CTNNA3: variants seen among roughly 807,000 people sequenced by gnomAD.
CTNNA3 encodes the protein catenin alpha 3.
A neutral mutation model predicts 95.7 loss-of-function variants in CTNNA3; 76 were observed. That is an observed-to-expected ratio of 0.79 (90% CI 0.66 to 0.96). The LOEUF (loss-of-function observed/expected upper bound fraction) is 0.96, where lower values mean the gene tolerates loss of function less well. Ranked by LOEUF, CTNNA3 falls within the 40% of genes least tolerant of loss-of-function variation. CTNNA3 has a pLI of 0.00. For missense variants in CTNNA3, 1,191 were observed against 1,089.8 expected (o/e 1.09, Z -1.31); for synonymous variants, 431 against 374.4 (o/e 1.15, Z -1.74).
chr10:67,264,293 A>T (rs1866731478), intron 5 of CTNNA3, among the ~76,000 whole-genome samples: 1 of 152,038 alleles, frequency 6.6e-6, no homozygotes, highest in Admixed American at 6.6e-5. Context: ...CCAGACTCCT[A>T]AGTCATTGTT....
chr10:66,228,783 A>G (rs1277428884), intron 13 of CTNNA3, among the ~76,000 whole-genome samples: 1 of 152,036 alleles, frequency 6.6e-6, no homozygotes, highest in Non-Finnish European at 1.5e-5. Context: ...TATTTCTTCT[A>G]TTCGTTCTAA....
intron 12 of CTNNA3, among the ~76,000 whole-genome samples, chr10:66,367,691 T>TA (rs2092719846): frequency 6.7e-6 from 1 of 149,158 alleles, no homozygotes; most frequent in Admixed American, 6.7e-5. Flanking sequence ...GAAGCCGAAT[T>TA]TTAAAATTTT....
intron 13 of CTNNA3, among the ~76,000 whole-genome samples, chr10:66,159,158 C>T (rs2084705761): frequency 6.6e-6 from 1 of 151,950 alleles, no homozygotes; most frequent in Non-Finnish European, 1.5e-5. Flanking sequence ...ATTTCTTTCT[C>T]TTGTCTGATT....
chr10:66,211,891 A>G (rs183302968), intron 13 of CTNNA3, among the ~76,000 whole-genome samples: 2 of 150,010 alleles, frequency 1.3e-5, no homozygotes, highest in African/African-American at 2.5e-5. Flanking sequence ...GGATGTGATT[A>G]TGTGGTTCAA....
chr10:65,935,191 G>A (rs10996781), intron 17 of CTNNA3, among the ~76,000 whole-genome samples: 15 of 152,064 alleles, frequency 9.9e-5, no homozygotes, highest in African/African-American at 1.4e-4. Flanking sequence ...ATATTTCAAC[G>A]TATCTTCAAT....
intron 1 of CTNNA3, among the ~76,000 whole-genome samples, chr10:67,713,869 G>C (rs896638295): frequency 6.6e-6 from 1 of 152,038 alleles, no homozygotes. Flanking sequence ...GGGTTGATAG[G>C]TGTAGCAAAC....
intron 7 of CTNNA3, among the ~76,000 whole-genome samples, chr10:66,969,059 A>G (rs1226131831): frequency 6.6e-6 from 1 of 151,990 alleles, no homozygotes; most frequent in Non-Finnish European, 1.5e-5. Context: ...GTAAATATAT[A>G]TATTTACTTT....
chr10:66,668,439 T>TGTGTGA (rs1846537545), intron 9 of CTNNA3, among the ~76,000 whole-genome samples: 1 of 151,908 alleles, frequency 6.6e-6, no homozygotes, highest in African/African-American at 2.4e-5. Context: ...TGTGTGTGTG[T>TGTGTGA]GTGTGTGTGT....
chr10:66,771,105 A>G (rs1840069661), intron 8 of CTNNA3, among the ~76,000 whole-genome samples: 1 of 152,118 alleles, frequency 6.6e-6, no homozygotes, highest in South Asian at 2.1e-4. Context: ...TGCAACATGG[A>G]AGAGAGATGG....
intron 7 of CTNNA3, among the ~76,000 whole-genome samples, chr10:67,128,129 A>G (rs935361195): frequency 6.6e-6 from 1 of 152,072 alleles, no homozygotes; most frequent in African/African-American, 2.4e-5. Flanking sequence ...TAACCTTGTG[A>G]TGGTTAATTT....
At chr10:65,928,178 A>G (rs756082716) in intron 17 of CTNNA3, among the ~76,000 whole-genome samples, 5 of 152,184 alleles carry the variant, frequency 3.3e-5, no homozygotes, top group Admixed American at 6.5e-5. Context: ...TAATTTTTGT[A>G]TATGGAGTAA....
At chr10:66,592,587 C>A (rs1204864081) in intron 10 of CTNNA3, among the ~76,000 whole-genome samples, 1 of 152,086 alleles carries the variant, frequency 6.6e-6, no homozygotes, top group Non-Finnish European at 1.5e-5. Flanking sequence ...ATTAAATAAA[C>A]ATAGGCCAGT....
intron 10 of CTNNA3, among the ~76,000 whole-genome samples, chr10:66,560,189 C>G (rs1842509932): frequency 6.6e-6 from 1 of 152,014 alleles, no homozygotes; most frequent in African/African-American, 2.4e-5. Flanking sequence ...TCCTTGTGTT[C>G]CATCTTCTAA....
intron 7 of CTNNA3, among the ~76,000 whole-genome samples, chr10:66,982,494 T>C (rs1412263436): frequency 1.3e-5 from 2 of 152,202 alleles, no homozygotes; most frequent in Non-Finnish European, 2.9e-5. Context: ...GTTTGGTGTA[T>C]AGCAGTTACT....
At chr10:67,752,831 C>A (rs543072246) in intron 1 of CTNNA3, among the ~76,000 whole-genome samples, 408 of 152,208 alleles carry the variant, frequency 2.7e-3, no homozygotes, top group Non-Finnish European at 3.9e-3. Flanking sequence ...AGGACACAAA[C>A]AAATGGAAAA....
intron 7 of CTNNA3, among the ~76,000 whole-genome samples, chr10:67,036,677 A>T (rs1013751018): frequency 1.3e-5 from 2 of 152,074 alleles, no homozygotes; most frequent in African/African-American, 4.8e-5. Context: ...TATTTTTAAG[A>T]GTATACTTTT....
At chr10:67,638,189 AC>A (rs1311071992) in intron 2 of CTNNA3, among the ~76,000 whole-genome samples, 5 of 152,172 alleles carry the variant, frequency 3.3e-5, no homozygotes, top group African/African-American at 1.2e-4. Context: ...CAAATGGAAA[AC>A]AAAAAAAGGC....
intron 7 of CTNNA3, among the ~76,000 whole-genome samples, chr10:66,845,712 A>AAAAAACAAAAAC (rs1554862151): frequency 7.9e-6 from 1 of 126,368 alleles, no homozygotes; most frequent in African/African-American, 3.1e-5. Context: ...TCAAAAAAAA[A>AAAAAACAAAAAC]AAAAAAAAAA....
intron 2 of CTNNA3, among the ~76,000 whole-genome samples, chr10:67,623,814 T>TTTATTA (rs1010102974): frequency 1.3e-5 from 2 of 151,732 alleles, no homozygotes; most frequent in Non-Finnish European, 2.9e-5. Context: ...CCCTGGTATG[T>TTTATTA]TTATTATTAT....
Sources: allele counts gnomAD v4.1 joint callset (sites outside exome capture counted in the v4.1 genomes callset), GRCh38; gene constraint gnomAD v4.1.1; transcripts MANE v1.5; gene names NCBI Gene and HGNC (gene_info 2026-07-23, HGNC 2026-07-21).